Variants in DCC observed in about 807,000 individuals in gnomAD.
DCC encodes netrin receptor DCC.
In DCC, 58 loss-of-function variants were observed where a neutral mutation model predicts 172.5. The observed-to-expected ratio is 0.34, with a 90% CI of 0.27 to 0.42. DCC has a LOEUF of 0.42. DCC is among the 10% of genes least tolerant of loss of function. The probability of loss-of-function intolerance (pLI) is 1.00; values close to 1 mark genes in which losing one functional copy is unlikely to be tolerated. For missense variants in DCC, 1,740 were observed against 1,791.0 expected (o/e 0.97, Z 0.51); for synonymous variants, 709 against 644.5 (o/e 1.10, Z -1.52).
intron 13 of DCC, among the ~76,000 whole-genome samples, chr18:53,308,452 ATAAG>A (rs1463869137): frequency 6.8e-6 from 1 of 146,194 alleles, no homozygotes; most frequent in Admixed American, 6.7e-5. Context: ...ATGAAAAACA[ATAAG>A]TTAAAAATAT....
At chr18:53,108,383 C>T (rs1181832952) in intron 7 of DCC, among the ~76,000 whole-genome samples, 2 of 151,678 alleles carry the variant, frequency 1.3e-5, no homozygotes, top group African/African-American at 2.4e-5. Context: ...AGAATGTATC[C>T]ACACATTTCT....
At position 53,304,193 on chromosome 18, in the gene DCC, C is replaced by A. The variant is rs572632626; in HGVS notation, c.1912-1385C>A. 4.6e-5 allele frequency among the ~76,000 whole-genome samples: 7 copies of A among 152,144 alleles called. No homozygotes were observed. In the East Asian group the frequency reaches 1.4e-3, roughly 29 times the overall value. On this transcript the variant is annotated intron_variant, in intron 12 of 28. Coordinates refer to ENST00000442544, the MANE Select transcript of DCC (RefSeq NM_005215.4). The stretch of plus-strand genomic sequence containing the variant: ...GGGGACATGGCAGGCCAAAAGGCAA[C>A]ATTTGGGTGTGAAAACAGGAATGAC...
intron 2 of DCC, among the ~76,000 whole-genome samples, chr18:52,773,929 A>G (rs972818047): frequency 3.3e-5 from 5 of 152,344 alleles, no homozygotes; most frequent in Admixed American, 6.5e-5. Context: ...CAGATGAATC[A>G]AGGCTGTTGA....
intron 20 of DCC, among the ~76,000 whole-genome samples, chr18:53,415,741 C>T (rs1321308102): frequency 6.6e-6 from 1 of 151,912 alleles, no homozygotes; most frequent in African/African-American, 2.4e-5. Flanking sequence ...AAAATAGTCA[C>T]ATACAAGAAA....
chr18:52,977,505 A>G (rs971095442), intron 5 of DCC, among the ~76,000 whole-genome samples: 1 of 152,156 alleles, frequency 6.6e-6, no homozygotes, highest in African/African-American at 2.4e-5. Context: ...GCCCAGATGT[A>G]AAATTATGTT....
chr18:53,350,174 T>A (rs2144896982), intron 15 of DCC, among the ~76,000 whole-genome samples: 1 of 152,284 alleles, frequency 6.6e-6, no homozygotes, highest in African/African-American at 2.4e-5. Context: ...ATTTATGTTC[T>A]TCCAATTCTA....
At chr18:53,084,623 C>T (rs3922755) in intron 7 of DCC, among the ~76,000 whole-genome samples, 3,593 of 152,180 alleles carry the variant, frequency 0.024, 60 homozygotes, top group Admixed American at 0.056. Context: ...AGAGCAAGGG[C>T]TCACAAGCCA....
At chr18:53,316,485 TTC>T (rs1048496835) in intron 13 of DCC, among the ~76,000 whole-genome samples, 5 of 151,780 alleles carry the variant, frequency 3.3e-5, no homozygotes, top group African/African-American at 1.2e-4. Context: ...TTTTTTCTAA[TTC>T]TGTGAAGAAA....
intron 2 of DCC, among the ~76,000 whole-genome samples, chr18:52,777,420 C>T (rs1041747138): frequency 1.1e-4 from 17 of 152,154 alleles, no homozygotes; most frequent in Admixed American, 9.2e-4. Context: ...ACTACCTTCT[C>T]CTCCTCTGGG....
intron 26 of DCC, among the ~76,000 whole-genome samples, chr18:53,496,147 C>A (rs894638043): frequency 3.3e-5 from 5 of 152,146 alleles, no homozygotes; most frequent in African/African-American, 1.2e-4. Context: ...TCCATCCAGC[C>A]CATGTATCCT....
chr18:52,559,018 G>A (rs553752007), intron 1 of DCC, among the ~76,000 whole-genome samples: 4 of 152,230 alleles, frequency 2.6e-5, no homozygotes, highest in East Asian at 1.9e-4. Flanking sequence ...CTAACTACTC[G>A]TTTCTCCACT....
intron 14 of DCC, among the ~76,000 whole-genome samples, chr18:53,333,634 T>C (rs1019198566): frequency 1.3e-5 from 2 of 152,068 alleles, no homozygotes; most frequent in Non-Finnish European, 2.9e-5. Flanking sequence ...AGGTAGGAGA[T>C]AAGTGGAGAG....
At chr18:52,606,329 A>T (rs2034130217) in intron 1 of DCC, among the ~76,000 whole-genome samples, 1 of 152,100 alleles carries the variant, frequency 6.6e-6, no homozygotes, top group Non-Finnish European at 1.5e-5. Context: ...ACAACAAAAA[A>T]CACCATAATA....
intron 5 of DCC, among the ~76,000 whole-genome samples, chr18:53,031,194 G>T (rs1286558334): frequency 6.6e-6 from 1 of 152,174 alleles, no homozygotes; most frequent in Admixed American, 6.6e-5. Context: ...GGGAGGCAGA[G>T]GTTGCAGTGA....
intron 12 of DCC, among the ~76,000 whole-genome samples, chr18:53,265,776 C>T (rs2056666638): frequency 6.6e-6 from 1 of 152,182 alleles, no homozygotes. Flanking sequence ...GGTCTCCTTG[C>T]CATCTTATCA....
chr18:52,897,436 G>A (rs949328834), intron 2 of DCC, among the ~76,000 whole-genome samples: 2 of 152,130 alleles, frequency 1.3e-5, no homozygotes, highest in Non-Finnish European at 2.9e-5. Flanking sequence ...TTGGATGTCT[G>A]CAATACTCTA....
At chr18:52,372,721 CTT>C (rs1225451013) in intron 1 of DCC, among the ~76,000 whole-genome samples, 1 of 152,174 alleles carries the variant, frequency 6.6e-6, no homozygotes, top group African/African-American at 2.4e-5. Context: ...CACCCACCCT[CTT>C]TCTCACCTCC....
intron 1 of DCC, among the ~76,000 whole-genome samples, chr18:52,493,652 T>C (rs989635162): frequency 6.6e-6 from 1 of 152,060 alleles, no homozygotes; most frequent in Non-Finnish European, 1.5e-5. Context: ...TCATACCTTT[T>C]TAAAATTAAT....
chr18:52,609,606 G>T (rs1352779598), intron 1 of DCC, among the ~76,000 whole-genome samples: 3 of 151,784 alleles, frequency 2.0e-5, no homozygotes, highest in African/African-American at 7.3e-5. Flanking sequence ...AATTTCTGGG[G>T]CATCTTGATT....
Sources: allele counts gnomAD v4.1 joint callset (sites outside exome capture counted in the v4.1 genomes callset), GRCh38; gene constraint gnomAD v4.1.1; transcripts MANE v1.5; gene names NCBI Gene and HGNC (gene_info 2026-07-23, HGNC 2026-07-21).